The following SLC9B2 variants were observed in gnomAD, a reference collection of about 807,000 sequenced individuals.
SLC9B2 encodes the protein solute carrier family 9 member B2, also known as sodium/hydrogen exchanger 9B2.
Under a neutral mutation model 52.2 loss-of-function variants are expected in SLC9B2, and 39 were observed. The observed-to-expected ratio is 0.75, with a 90% confidence interval of 0.58 to 0.98. The LOEUF is 0.98. Ranked by LOEUF, SLC9B2 falls within the 50% of genes least tolerant of loss-of-function variation. SLC9B2 has a pLI of 0.00. For synonymous variants in SLC9B2, 214 were observed against 227.0 expected (o/e 0.94, Z 0.51); for missense variants, 626 against 637.5 (o/e 0.98, Z 0.19).
At position 103,028,609 on chromosome 4, in the gene SLC9B2, T is replaced by C. The variant is rs1024028490; in HGVS notation, c.1392+138A>G. Reference sequence around the variant, plus strand: ...TACCAAAAATACAGGTTTTAAAGAATAGATTAGGATAAACTCTTTTCATAA... The same window carrying C: ...TACCAAAAATACAGGTTTTAAAGAACAGATTAGGATAAACTCTTTTCATAA... On this transcript the variant is annotated intron_variant, in intron 11 of 11. Transcript: ENST00000394785. 4.7e-6 allele frequency: 5 copies of C among 1,071,614 alleles called. No homozygotes were observed. In the African/African-American group the frequency reaches 6.8e-5, roughly 15 times the overall value. The allele number at this position is 1,071,614 out of a possible 1,614,324, so 66.4% of individuals were successfully genotyped here. A position where few individuals can be genotyped will look rare whatever the true frequency, so the allele number is the denominator to read the frequency against.
At chr4:103,031,897 G>A (rs901053500) in intron 9 of SLC9B2, 89 bp from the exon 10 acceptor site, 15 of 1,316,894 alleles carry the variant, frequency 1.1e-5, no homozygotes, top group East Asian at 2.5e-5. Flanking sequence ...GAATTATTTG[G>A]CCTGAGATAA....
chr4:103,053,653 A>G (rs1744877679), intron 4 of SLC9B2, among the ~76,000 whole-genome samples: 1 of 152,044 alleles, frequency 6.6e-6, no homozygotes, highest in Non-Finnish European at 1.5e-5. Context: ...TCCAGGCCAT[A>G]TTCCATTTCA....
At position 103,044,902 on chromosome 4, in the gene SLC9B2, T is replaced by G. The variant is rs368389998; in HGVS notation, c.984A>C (p.Pro328=). The G allele has an allele frequency of 6.2e-7, 1 of 1,613,394 alleles. No homozygotes were observed. The highest frequency in any genetic ancestry group is 1.3e-5 in the African/African-American group (1 of 75,044). Residue 328 remains proline, a synonymous_variant, in exon 8 of 12, where the codon CCA becomes CCC. Transcript: ENST00000394785. ...SVLGFFIQYF[P]SRDQDKLVCK... ...TTATTTCTTTCACCTGGTCACGGCTTGGAAAGTACTGAATGAAAAATCCAA... is the reference window on the plus strand; with the variant it reads ...TTATTTCTTTCACCTGGTCACGGCTGGGAAAGTACTGAATGAAAAATCCAA...
intron 1 of SLC9B2, among the ~76,000 whole-genome samples, chr4:103,072,005 C>T (rs917907084): frequency 2.0e-5 from 3 of 149,166 alleles, no homozygotes; most frequent in African/African-American, 7.5e-5. Flanking sequence ...GAGTAACTGC[C>T]CAGAATCACC....
chr4:103,022,035 C>T (rs1416635291), downstream of SLC9B2, among the ~76,000 whole-genome samples: 1 of 152,182 alleles, frequency 6.6e-6, no homozygotes, highest in African/African-American at 2.4e-5. Flanking sequence ...TATCTTATTT[C>T]CTTCTAAGGT....
chr4:103,043,409 C>G lies in SLC9B2; in HGVS notation c.1033G>C (p.Gly345Arg). 1 of 1,612,436 alleles carries G rather than the reference C, an allele frequency of 6.2e-7. No individual in the cohort carries two copies. Among genetic ancestry groups the G allele is most frequent in the Non-Finnish European group, 8.5e-7 (1 of 1,179,326 alleles). ...CTGAACACAGCTAGCACAGACAACC[C>G]CAACACAAGGAATGTTCTCTTACAC... Reference protein sequence around the residue: ...LVCKRTFLVLGLSVLAVFSSV... With the variant: ...LVCKRTFLVLRLSVLAVFSSV... Residue 345 changes from glycine (G) to arginine (R), a missense_variant, in exon 9 of 12, where the codon GGG becomes CGG. Coordinates refer to ENST00000394785, the MANE Select transcript of SLC9B2 (RefSeq NM_178833.7).
intron 1 of SLC9B2, among the ~76,000 whole-genome samples, chr4:103,068,221 C>A (rs1179512028): frequency 6.6e-6 from 1 of 152,098 alleles, no homozygotes; most frequent in Non-Finnish European, 1.5e-5. Context: ...TAAATTTATA[C>A]CAAATAACTA....
chr4:103,038,839 G>A (rs1381470284), intron 9 of SLC9B2, among the ~76,000 whole-genome samples: 2 of 152,114 alleles, frequency 1.3e-5, no homozygotes, highest in African/African-American at 2.4e-5. Flanking sequence ...CAAAAAAAGA[G>A]AAGCAGCTTT....
rs1578487827 is a variant in SLC9B2 at position 103,072,062 on chromosome 4, T to G, written c.-43+4122A>C. Among the ~76,000 whole-genome samples the G allele has an allele frequency of 9.9e-5, 14 of 141,356 alleles. No homozygotes were observed. The South Asian group carries it at 3.0e-3, about 30-fold the overall frequency. The allele number at this position is 141,356 out of a possible 152,430, so 92.7% of individuals were successfully genotyped here. On this transcript the variant is annotated intron_variant, in intron 1 of 11. Transcript: ENST00000394785. ...TTTCAAGTTTGGCTTTCATGTTTTT[T>G]TTTTTTTTTTTTTTGAGGTGGAGTT...
chr4:103,038,246 T>C (rs890253326), intron 9 of SLC9B2, among the ~76,000 whole-genome samples: 10 of 152,194 alleles, frequency 6.6e-5, no homozygotes, highest in African/African-American at 2.4e-4. Context: ...TTTGTTGCCA[T>C]GAATAATTGT....
At chr4:103,070,465 A>G (rs1039769045) in intron 1 of SLC9B2, among the ~76,000 whole-genome samples, 1 of 152,170 alleles carries the variant, frequency 6.6e-6, no homozygotes, top group African/African-American at 2.4e-5. Flanking sequence ...TTTTGAGACG[A>G]AGTCTCCCTC....
In SLC9B2 at chr4:103,023,954, A is replaced by G. The variant is rs150138127; in HGVS notation, c.*2416T>C. 6.6e-6 allele frequency among the ~76,000 whole-genome samples: 1 copy of G among 152,302 alleles called. No homozygotes were observed. The highest frequency in any genetic ancestry group is 2.4e-5 in the African/African-American group (1 of 41,578). On this transcript the variant is annotated 3_prime_UTR_variant, in exon 12 of 12. Transcript: ENST00000394785. ...GACCTGGGAAACAGCATGAAGTGTA[A>G]CACTTTTTGGTCTTACATCCCTTTT...
chr4:103,069,120 T>C (rs1746399774), intron 1 of SLC9B2, among the ~76,000 whole-genome samples: 1 of 152,268 alleles, frequency 6.6e-6, no homozygotes. Flanking sequence ...TTTTTTAAAT[T>C]AAAAAACTTA....
chr4:103,020,250 TGA>T, downstream of SLC9B2: 1 of 375,326 alleles, frequency 2.7e-6, no homozygotes, highest in Non-Finnish European at 4.9e-6. Context: ...AAAACCTTTG[TGA>T]GTTTTTTTTT....
At chr4:103,048,208 A>G (rs1453797070) in intron 6 of SLC9B2, among the ~76,000 whole-genome samples, 1 of 152,206 alleles carries the variant, frequency 6.6e-6, no homozygotes, top group African/African-American at 2.4e-5. Context: ...CATTTTGAGC[A>G]CTTTACACGT....
intron 4 of SLC9B2, among the ~76,000 whole-genome samples, chr4:103,053,677 C>T (rs935953086): frequency 2.6e-5 from 4 of 151,948 alleles, no homozygotes; most frequent in African/African-American, 9.7e-5. Context: ...AATTCAGAAT[C>T]TCTGGGGTAA....
intron 4 of SLC9B2, among the ~76,000 whole-genome samples, chr4:103,054,295 A>C (rs1744938777): frequency 6.6e-6 from 1 of 152,310 alleles, no homozygotes; most frequent in South Asian, 2.1e-4. Context: ...ACAAAACAAA[A>C]CAACCAATGA....
rs942257582 is a variant in SLC9B2, at chr4:103,076,305, C to G, written c.-164G>C. ...GGGGTTCCCGATTCGCGCATCTTCC[C>G]AGGCTGAGCCGGGAGGCTGCGTTGA... is the stretch of plus-strand genomic sequence containing the variant. On this transcript the variant is annotated 5_prime_UTR_variant, in exon 1 of 12. Coordinates refer to ENST00000394785, the MANE Select transcript of SLC9B2 (RefSeq NM_178833.7). 2 of 152,412 alleles carry G rather than the reference C, an allele frequency of 1.3e-5. No individual in the cohort carries two copies. The highest frequency in any genetic ancestry group is 4.1e-4 in the South Asian group (2 of 4,836). 9.4% of individuals were successfully genotyped at this position (152,412 alleles called of 1,614,324 possible).
intron 3 of SLC9B2, among the ~76,000 whole-genome samples, chr4:103,062,477 C>T (rs1041018145): frequency 2.6e-5 from 4 of 152,026 alleles, no homozygotes; most frequent in Admixed American, 2.6e-4. Context: ...CTCTCTTTCC[C>T]TGTGCTTTAC....
Sources: allele counts gnomAD v4.1 joint callset (sites outside exome capture counted in the v4.1 genomes callset), GRCh38; gene constraint gnomAD v4.1.1; transcripts MANE v1.5; gene names NCBI Gene and HGNC (gene_info 2026-07-23, HGNC 2026-07-21).